EZR: variants seen among roughly 807,000 people sequenced by gnomAD.
The protein encoded by EZR is ezrin.
Under a neutral mutation model 74.8 loss-of-function variants are expected in EZR, and 40 were observed. That is an observed-to-expected ratio of 0.53 (90% CI 0.42 to 0.70). The LOEUF (loss-of-function observed/expected upper bound fraction) is 0.70. Among genes scored for constraint, EZR ranks in the 30% least tolerant of loss-of-function variants. EZR has a pLI of 0.00. For missense variants in EZR, 678 were observed against 755.8 expected, an observed-to-expected ratio of 0.90 and a Z score of 1.21; for synonymous variants, 341 against 283.3, an observed-to-expected ratio of 1.20 and a Z score of -2.05.
chr6:158,789,180 C>T, intron 3 of EZR, 108 bp downstream of exon 3: 1 of 756,056 alleles, frequency 1.3e-6, no homozygotes, highest in East Asian at 2.7e-5. Flanking sequence ...TCATCTATTA[C>T]CTCAAGTGAG....
chr6:158,790,274 A>C (rs1230639056), intron 2 of EZR, among the ~76,000 whole-genome samples: 1 of 152,264 alleles, frequency 6.6e-6, no homozygotes, highest in African/African-American at 2.4e-5. Context: ...ATGAAAATAA[A>C]ATGTAAAAAT....
intron 9 of EZR, 27 bp from the exon 10 acceptor site, chr6:158,770,921 G>A (rs778716661): frequency 6.2e-7 from 1 of 1,614,012 alleles, no homozygotes; most frequent in Non-Finnish European, 8.5e-7. Flanking sequence ...GAGGCACAGG[G>A]AGATTTAGAC....
intron 2 of EZR, among the ~76,000 whole-genome samples, chr6:158,799,725 T>G (rs192591890): frequency 6.6e-6 from 1 of 152,276 alleles, no homozygotes; most frequent in Non-Finnish European, 1.5e-5. Context: ...ACCAGCTTAG[T>G]GCAGAAATGC....
chr6:158,805,506 C>T (rs1777318481), intron 2 of EZR, among the ~76,000 whole-genome samples: 1 of 152,146 alleles, frequency 6.6e-6, no homozygotes, highest in Non-Finnish European at 1.5e-5. Context: ...GAACATTTCT[C>T]CTGTAAGAAA....
chr6:158,798,982 T>G (rs1319529016), intron 2 of EZR, among the ~76,000 whole-genome samples: 2 of 152,206 alleles, frequency 1.3e-5, no homozygotes, highest in Non-Finnish European at 2.9e-5. Context: ...AAATTTGTTT[T>G]GTTATAACTG....
chr6:158,814,278 G>A (rs1340273404), intron 2 of EZR, among the ~76,000 whole-genome samples: 3 of 152,052 alleles, frequency 2.0e-5, no homozygotes, highest in African/African-American at 4.8e-5. Context: ...GTGCTGCCGC[G>A]TGCGCCCCCC....
At chr6:158,773,900 TGGGCA>T (rs1791191960) in intron 8 of EZR, among the ~76,000 whole-genome samples, 1 of 152,224 alleles carries the variant, frequency 6.6e-6, no homozygotes, top group African/African-American at 2.4e-5. Flanking sequence ...TAGTGTCACC[TGGGCA>T]GGCCGTGTCA....
intron 7 of EZR, among the ~76,000 whole-genome samples, chr6:158,780,822 T>C (rs1791415361): frequency 6.6e-6 from 1 of 152,254 alleles, no homozygotes; most frequent in East Asian, 1.9e-4. Flanking sequence ...AAGCTTACAA[T>C]GCCTGTCAGG....
chr6:158,776,569 G>A, intron 7 of EZR, 65 bp from the exon 8 acceptor site: 13 of 1,155,342 alleles, frequency 1.1e-5, no homozygotes, highest in Non-Finnish European at 1.5e-5. Flanking sequence ...GGCTAAGAGA[G>A]ATTCGCAAAT....
At chr6:158,777,617 T>C (rs539943473) in intron 7 of EZR, among the ~76,000 whole-genome samples, 1 of 152,238 alleles carries the variant, frequency 6.6e-6, no homozygotes, top group South Asian at 2.1e-4. Flanking sequence ...AAACCTTCAT[T>C]TTAGAAGTAG....
At position 158,803,652 on chromosome 6, in the gene EZR, T is replaced by C. The variant is rs1182065713; in HGVS notation, c.13-14281A>G. Among the ~76,000 whole-genome samples, 359 of 59,630 alleles carry C rather than the reference T, an allele frequency of 6.0e-3. 47 individuals are homozygous for C. Among genetic ancestry groups the C allele is most frequent in the African/African-American group, 0.016 (306 of 19,204 alleles). The allele number at this position is 59,630 out of a possible 152,430, so 39.1% of individuals were successfully genotyped here. ...ATATACATACATATATATATATATA[T>C]ACATATATATATATAAAATATACAG... On this transcript the variant is annotated intron_variant, in intron 2 of 13. Transcript: ENST00000367075.
intron 2 of EZR, among the ~76,000 whole-genome samples, chr6:158,794,376 C>T (rs6455604): frequency 0.41 from 61,892 of 152,006 alleles, 13,262 homozygotes; most frequent in Non-Finnish European, 0.49. Context: ...TCCCAACTTT[C>T]CATTTTATTA....
intron 2 of EZR, 101 bp from the exon 3 acceptor site, chr6:158,789,472 C>T: frequency 9.7e-7 from 1 of 1,026,400 alleles, no homozygotes; most frequent in Non-Finnish European, 1.5e-6. Context: ...GTGGCGACGG[C>T]ATATGCCTGA....
intron 8 of EZR, 30 bp from the exon 9 acceptor site, chr6:158,771,437 C>G (rs2128566371): frequency 6.5e-7 from 1 of 1,546,806 alleles, no homozygotes; most frequent in Non-Finnish European, 8.7e-7. Context: ...CACCTGGACT[C>G]AAGCTCCTTC....
Position 158,766,520 on chromosome 6 carries a change from A to ATTTCGAATACAGAACAAGT in EZR, c.*375_*393dup, listed in dbSNP as rs1790853665. 5.9e-6 allele frequency: 1 copy of ATTTCGAATACAGAACAAGT among 170,482 alleles called. No homozygotes were observed. Among genetic ancestry groups the ATTTCGAATACAGAACAAGT allele is most frequent in the South Asian group, 1.9e-4 (1 of 5,290 alleles). 10.6% of individuals were successfully genotyped at this position (170,482 alleles called of 1,614,324 possible). Reference sequence around the variant, plus strand: ...GAAATTAAAAAATCAATTTGAGCTCATTTCGAATACAGAACAAGTATGGCA... The same window carrying ATTTCGAATACAGAACAAGT: ...GAAATTAAAAAATCAATTTGAGCTCATTTCGAATACAGAACAAGTTTTCGAATACAGAACAAGTATGGCA... On this transcript the variant is annotated 3_prime_UTR_variant, in exon 14 of 14. Coordinates refer to ENST00000367075, the MANE Select transcript of EZR (RefSeq NM_001111077.2).
intron 8 of EZR, among the ~76,000 whole-genome samples, chr6:158,775,146 C>A (rs893387353): frequency 5.3e-5 from 8 of 150,650 alleles, no homozygotes; most frequent in African/African-American, 1.7e-4. Context: ...GATTCTCCTG[C>A]CTCAGCCTCC....
intron 2 of EZR, among the ~76,000 whole-genome samples, chr6:158,808,537 A>C (rs551527263): frequency 3.9e-5 from 6 of 152,218 alleles, no homozygotes; most frequent in Non-Finnish European, 7.3e-5. Context: ...CGAGCTAGTA[A>C]AGCTTTTAAT....
intron 7 of EZR, among the ~76,000 whole-genome samples, chr6:158,780,115 A>G (rs551590874): frequency 7.3e-5 from 11 of 151,308 alleles, no homozygotes; most frequent in African/African-American, 2.7e-4. Context: ...CCCAGGAGGC[A>G]GAGGTTACAG....
intron 2 of EZR, among the ~76,000 whole-genome samples, chr6:158,817,034 G>C (rs908969791): frequency 6.6e-6 from 1 of 152,064 alleles, no homozygotes; most frequent in African/African-American, 2.4e-5. Context: ...GCAGTGAGCC[G>C]AGATCATGCC....
Sources: allele counts gnomAD v4.1 joint callset (sites outside exome capture counted in the v4.1 genomes callset), GRCh38; gene constraint gnomAD v4.1.1; transcripts MANE v1.5; gene names NCBI Gene and HGNC (gene_info 2026-07-23, HGNC 2026-07-21).